Variants in KDM7A observed in about 807,000 individuals in gnomAD.
The protein encoded by KDM7A is lysine demethylase 7A, also known as lysine-specific demethylase 7A.
In KDM7A, 28 loss-of-function variants were observed where a neutral mutation model predicts 114.8. That is an observed-to-expected ratio of 0.24 (90% CI 0.18 to 0.33). The LOEUF (loss-of-function observed/expected upper bound fraction) is 0.33, where lower values mean the gene tolerates loss of function less well. KDM7A is among the 10% of genes least tolerant of loss of function. The pLI, the probability that KDM7A is intolerant of heterozygous loss-of-function variation, is 1.00. For synonymous variants in KDM7A, 423 were observed against 397.8 expected, an observed-to-expected ratio of 1.06 and a Z score of -0.75; for missense variants, 942 against 1,142.5, an observed-to-expected ratio of 0.82 and a Z score of 2.53.
chr7:140,101,540 T>C (rs1317928941), intron 12 of KDM7A, among the ~76,000 whole-genome samples: 1 of 152,202 alleles, frequency 6.6e-6, no homozygotes, highest in Non-Finnish European at 1.5e-5. Context: ...TCTGTTGTTC[T>C]ATTGTTTTGG....
At chr7:140,151,705 A>G (rs1794402296) in intron 1 of KDM7A, among the ~76,000 whole-genome samples, 1 of 152,238 alleles carries the variant, frequency 6.6e-6, no homozygotes, top group Non-Finnish European at 1.5e-5. Context: ...CCTTTCATGT[A>G]GTTCCTAAAT....
chr7:140,140,913 A>G (rs770072695), intron 1 of KDM7A, among the ~76,000 whole-genome samples: 3 of 152,172 alleles, frequency 2.0e-5, no homozygotes, highest in Non-Finnish European at 2.9e-5. Context: ...CTATGGTTAC[A>G]CATCCAGAAA....
At chr7:140,144,062 A>G (rs1169217499) in intron 1 of KDM7A, among the ~76,000 whole-genome samples, 1 of 152,206 alleles carries the variant, frequency 6.6e-6, no homozygotes, top group Non-Finnish European at 1.5e-5. Context: ...CTGTAACCCA[A>G]AGAAAAGGTT....
At chr7:140,092,166 G>C in intron 18 of KDM7A, 89 bp from the exon 19 acceptor site, 1 of 1,230,770 alleles carries the variant, frequency 8.1e-7, no homozygotes, top group Middle Eastern at 2.4e-4. Flanking sequence ...TCAAGTGAGA[G>C]AAGAAACAAA....
At chr7:140,138,768 C>G (rs1446383281) in intron 2 of KDM7A, among the ~76,000 whole-genome samples, 1 of 152,164 alleles carries the variant, frequency 6.6e-6, no homozygotes, top group Non-Finnish European at 1.5e-5. Context: ...TAAAGATCTT[C>G]TATTTGTGAA....
At chr7:140,110,908 T>C (rs1818419879) in intron 11 of KDM7A, among the ~76,000 whole-genome samples, 187 bp downstream of exon 11, 1 of 152,246 alleles carries the variant, frequency 6.6e-6, no homozygotes, top group South Asian at 2.1e-4. Context: ...TTCATTAGAA[T>C]ACAATATTTA....
At chr7:140,111,310 C>T (rs1585144557) in intron 10 of KDM7A, 126 bp from the exon 11 acceptor site, 2 of 596,166 alleles carry the variant, frequency 3.4e-6, no homozygotes, top group Admixed American at 3.0e-5. Context: ...ACTAGTAAGC[C>T]AGGTTTCAGA....
At chr7:140,165,531 A>C (rs573741891) in intron 1 of KDM7A, among the ~76,000 whole-genome samples, 1 of 152,272 alleles carries the variant, frequency 6.6e-6, no homozygotes, top group South Asian at 2.1e-4. Context: ...TATTAAATGA[A>C]ATATTCCAGA....
Position 140,171,571 on chromosome 7 carries a change from A to ATAAATATATATTTATTTTTATATATT in KDM7A, c.194+5172_194+5173insAATATATAAAAATAAATATATATTTA, listed in dbSNP as rs1562962742. Among the ~76,000 whole-genome samples, 61 of 51,810 alleles carry ATAAATATATATTTATTTTTATATATT rather than the reference A, an allele frequency of 1.2e-3. 1 individual carries two copies. The highest frequency in any genetic ancestry group is 4.2e-3 in the African/African-American group (60 of 14,196). The allele number at this position is 51,810 out of a possible 152,430, so 34.0% of individuals were successfully genotyped here. ...AATATATATTTATTTTTATATATTT[A>ATAAATATATATTTATTTTTATATATT]TATATATATATTTTTATATAGTTGT... On this transcript the variant is annotated intron_variant, in intron 1 of 19. Coordinates refer to ENST00000397560, the MANE Select transcript of KDM7A (RefSeq NM_030647.2).
At position 140,115,866 on chromosome 7, in the gene KDM7A, AAAT is replaced by A. The variant is rs1368862844; in HGVS notation, c.1247-2287_1247-2285del. On this transcript the variant is annotated intron_variant, in intron 9 of 19. Coordinates refer to ENST00000397560, the MANE Select transcript of KDM7A (RefSeq NM_030647.2). ...ATAGTACAAGAAAAGTAAAAAAAAA[AAAT>A]AAATGTCATACAATATTTTTATCAT... Among the ~76,000 whole-genome samples, 327 of 78,996 alleles carry A rather than the reference AAAT, an allele frequency of 4.1e-3. 2 individuals carry two copies. Among genetic ancestry groups the A allele is most frequent in the African/African-American group, 0.013 (256 of 20,126 alleles). 51.8% of individuals were successfully genotyped at this position (78,996 alleles called of 152,430 possible). A position where few individuals can be genotyped will look rare whatever the true frequency, so the allele number is the denominator to read the frequency against.
intron 7 of KDM7A, among the ~76,000 whole-genome samples, chr7:140,123,846 C>T (rs1051314724): frequency 1.3e-5 from 2 of 152,052 alleles, no homozygotes; most frequent in Non-Finnish European, 1.5e-5. Flanking sequence ...CTTTGGTGGG[C>T]GGATCACGAG....
chr7:140,147,433 A>G (rs1794350857), intron 1 of KDM7A, among the ~76,000 whole-genome samples: 1 of 152,192 alleles, frequency 6.6e-6, no homozygotes, highest in South Asian at 2.1e-4. Context: ...TCAACATGTA[A>G]AGTACAACTT....
In KDM7A at chr7:140,094,113, TG is replaced by T; in HGVS notation, c.2399del (p.Pro800GlnfsTer3). The T allele has an allele frequency of 6.2e-7, 1 of 1,601,048 alleles. No individual in the cohort carries two copies. The highest frequency in any genetic ancestry group is 8.6e-7 in the Non-Finnish European group (1 of 1,167,996). ...TAATCCAGGAGGAAGTCCTCAAGTCTGGATCTTCAGTCTTGACATGGTATCC... is the reference window on the plus strand; with the variant it reads ...TAATCCAGGAGGAAGTCCTCAAGTCTGATCTTCAGTCTTGACATGGTATCC... ...ECGYHVKTED[P>X]DLRTSSWIKQ... On this transcript the variant is annotated frameshift_variant, in exon 18 of 20. Coordinates refer to ENST00000397560, the MANE Select transcript of KDM7A (RefSeq NM_030647.2). LOFTEE classifies it high-confidence loss of function.
At chr7:140,115,817 TA>T (rs1818517926) in intron 9 of KDM7A, among the ~76,000 whole-genome samples, 1 of 76,360 alleles carries the variant, frequency 1.3e-5, no homozygotes, top group African/African-American at 5.5e-5. Flanking sequence ...AAAAAATAAA[TA>T]AATAAAAAAA....
At chr7:140,170,062 T>C (rs993265245) in intron 1 of KDM7A, among the ~76,000 whole-genome samples, 2 of 152,198 alleles carry the variant, frequency 1.3e-5, no homozygotes, top group South Asian at 2.1e-4. Context: ...AAGATACTTA[T>C]TCACCTAATA....
chr7:140,095,841 T>C (rs1378391693), intron 17 of KDM7A: 1 of 152,728 alleles, frequency 6.5e-6, no homozygotes, highest in Non-Finnish European at 1.5e-5. Context: ...TTTGTGCCAC[T>C]ACATTCCAGC....
chr7:140,107,127 A>G (rs1181308070), intron 11 of KDM7A, among the ~76,000 whole-genome samples: 2 of 152,124 alleles, frequency 1.3e-5, no homozygotes, highest in Non-Finnish European at 2.9e-5. Flanking sequence ...CTTGCTTGGT[A>G]GATCTTCCTC....
Position 140,176,974 on chromosome 7 carries a change from C to T in KDM7A, c.-37G>A. The T allele has an allele frequency of 9.1e-7, 1 of 1,095,640 alleles. No homozygotes were observed. The highest frequency in any genetic ancestry group is 1.1e-6 in the Non-Finnish European group (1 of 900,598). 67.9% of individuals were successfully genotyped at this position (1,095,640 alleles called of 1,614,324 possible). On this transcript the variant is annotated 5_prime_UTR_variant, in exon 1 of 20. Transcript: ENST00000397560. This position sits in a 1 kb window ranked among gnomAD's most constrained non-coding sequence, Gnocchi z 4.4. Reference sequence around the variant, plus strand: ...ACACACACGCTCGCTCGCTACTCCGCTCGCCGACTGGAGCGAGCGCAGCCG... The same window carrying T: ...ACACACACGCTCGCTCGCTACTCCGTTCGCCGACTGGAGCGAGCGCAGCCG...
chr7:140,124,417 G>A (rs1300855704), intron 7 of KDM7A, among the ~76,000 whole-genome samples: 1 of 152,158 alleles, frequency 6.6e-6, no homozygotes, highest in Non-Finnish European at 1.5e-5. Flanking sequence ...GAAGGCAAAT[G>A]ATATAAATAC....
Sources: gnomAD v4.1 joint callset for allele counts (sites outside exome capture counted in the v4.1 genomes callset) on GRCh38, gnomAD v4.1.1 for gene constraint, Gnocchi (gnomAD v3.1) non-coding constraint, MANE v1.5 for transcripts, NCBI Gene and HGNC (gene_info 2026-07-23, HGNC 2026-07-21) for gene names.